Variants in TMEM132D observed in about 807,000 individuals in gnomAD.
TMEM132D encodes the protein transmembrane protein 132D.
A neutral mutation model predicts 62.3 loss-of-function variants in TMEM132D; 21 were observed. That is an observed-to-expected ratio of 0.34 (90% CI 0.24 to 0.49). The LOEUF (loss-of-function observed/expected upper bound fraction) is 0.49, where lower values mean the gene tolerates loss of function less well. TMEM132D is among the 20% of genes least tolerant of loss of function. The pLI is 0.99. For synonymous variants in TMEM132D, 621 were observed against 575.6 expected (o/e 1.08, Z -1.13); for missense variants, 1,346 against 1,402.8 (o/e 0.96, Z 0.65).
Position 129,791,074 on chromosome 12 carries a change from G to T in TMEM132D, c.80-90376C>A, listed in dbSNP as rs115000096. On this transcript the variant is annotated intron_variant, in intron 1 of 8. Coordinates refer to ENST00000422113, the MANE Select transcript of TMEM132D (RefSeq NM_133448.3). Reference sequence around the variant, plus strand: ...CATATCTTTATTTCATTCTCCACTGGAAGTGTTGTAAGTTTAATGTCAATT... The same window carrying T: ...CATATCTTTATTTCATTCTCCACTGTAAGTGTTGTAAGTTTAATGTCAATT... Among the ~76,000 whole-genome samples the T allele has an allele frequency of 1.9e-3, 296 of 152,208 alleles. 1 individual carries two copies. The highest frequency in any genetic ancestry group is 6.8e-3 in the African/African-American group (281 of 41,534).
At chr12:129,261,487 C>T (rs189201175) in intron 4 of TMEM132D, among the ~76,000 whole-genome samples, 7 of 152,304 alleles carry the variant, frequency 4.6e-5, no homozygotes, top group African/African-American at 1.2e-4. Flanking sequence ...GCCTCCCCAG[C>T]CATGTGGAAC....
At chr12:129,482,610 C>T (rs1031497639) in intron 3 of TMEM132D, among the ~76,000 whole-genome samples, 4 of 152,128 alleles carry the variant, frequency 2.6e-5, no homozygotes, top group African/African-American at 9.7e-5. Flanking sequence ...ATATGTACTA[C>T]TCTGGTAATT....
intron 2 of TMEM132D, among the ~76,000 whole-genome samples, chr12:129,604,939 G>A (rs1878575385): frequency 6.6e-6 from 1 of 152,186 alleles, no homozygotes; most frequent in South Asian, 2.1e-4. Flanking sequence ...AGAAGGGGCA[G>A]TGAACAAGAG....
chr12:129,432,244 T>TG (rs1367211010), intron 3 of TMEM132D, among the ~76,000 whole-genome samples: 1 of 150,970 alleles, frequency 6.6e-6, no homozygotes, highest in African/African-American at 2.4e-5. Flanking sequence ...GATGGATGGA[T>TG]GGTTGCTTGG....
At chr12:129,238,954 C>A (rs1480302497) in intron 4 of TMEM132D, among the ~76,000 whole-genome samples, 1 of 150,756 alleles carries the variant, frequency 6.6e-6, no homozygotes, top group South Asian at 2.1e-4. Context: ...GTGCACAAGA[C>A]TTTCAGTCTC....
intron 3 of TMEM132D, among the ~76,000 whole-genome samples, chr12:129,493,211 C>G (rs539432104): frequency 6.6e-6 from 1 of 152,178 alleles, no homozygotes; most frequent in South Asian, 2.1e-4. Flanking sequence ...AAAATTAATC[C>G]AACAGTTAAT....
chr12:129,321,595 C>T (rs1306911327), intron 4 of TMEM132D, among the ~76,000 whole-genome samples: 2 of 151,470 alleles, frequency 1.3e-5, no homozygotes, highest in Non-Finnish European at 2.9e-5. Flanking sequence ...CTCACTCTTT[C>T]GCCCAGGCTG....
At chr12:129,184,368 G>A (rs935126810) in intron 5 of TMEM132D, among the ~76,000 whole-genome samples, 8 of 152,184 alleles carry the variant, frequency 5.3e-5, no homozygotes, top group East Asian at 1.9e-4. Flanking sequence ...CTGGAGTTTC[G>A]CAGAGCTGTT....
At chr12:129,575,243 T>G (rs569068839) in intron 2 of TMEM132D, among the ~76,000 whole-genome samples, 1 of 151,912 alleles carries the variant, frequency 6.6e-6, no homozygotes, top group Non-Finnish European at 1.5e-5. Context: ...ACTGGCTGTT[T>G]TTGTTACTGG....
intron 3 of TMEM132D, among the ~76,000 whole-genome samples, chr12:129,518,274 T>C (rs933994942): frequency 2.6e-5 from 4 of 152,148 alleles, no homozygotes; most frequent in Non-Finnish European, 5.9e-5. Context: ...CTTATTGCAG[T>C]AGATTTGGCA....
intron 2 of TMEM132D, among the ~76,000 whole-genome samples, chr12:129,603,092 G>A (rs1248050078): frequency 6.6e-6 from 1 of 152,090 alleles, no homozygotes; most frequent in Admixed American, 6.5e-5. Context: ...GATTTGGGTG[G>A]GGACACAGAG....
At chr12:129,325,548 C>A (rs1868879784) in intron 4 of TMEM132D, among the ~76,000 whole-genome samples, 1 of 152,126 alleles carries the variant, frequency 6.6e-6, no homozygotes, top group East Asian at 1.9e-4. Flanking sequence ...GTGAGAAATA[C>A]AACAAGTCTC....
intron 3 of TMEM132D, among the ~76,000 whole-genome samples, chr12:129,440,470 G>A (rs994451367): frequency 6.6e-6 from 1 of 152,174 alleles, no homozygotes; most frequent in East Asian, 1.9e-4. Flanking sequence ...AAATGATCAT[G>A]TGGCGCGTGG....
intron 1 of TMEM132D, among the ~76,000 whole-genome samples, chr12:129,738,200 CT>C (rs1450225467): frequency 6.6e-5 from 10 of 152,138 alleles, no homozygotes; most frequent in Admixed American, 5.9e-4. Context: ...TCCTGCTACA[CT>C]TAAGGGGCCA....
intron 1 of TMEM132D, chr12:129,840,133 T>C (rs1873142071): frequency 6.6e-6 from 1 of 152,238 alleles, no homozygotes; most frequent in Non-Finnish European, 1.5e-5. Flanking sequence ...GTAAATTACA[T>C]ATAAATCAAA....
chr12:129,093,003 A>G (rs1300435388), intron 5 of TMEM132D, among the ~76,000 whole-genome samples: 1 of 152,166 alleles, frequency 6.6e-6, no homozygotes, highest in African/African-American at 2.4e-5. Flanking sequence ...TGAACAACAC[A>G]CCCTTTTCTG....
chr12:129,868,874 G>A (rs544819957), intron 1 of TMEM132D, among the ~76,000 whole-genome samples: 1 of 152,240 alleles, frequency 6.6e-6, no homozygotes, highest in African/African-American at 2.4e-5. Context: ...TCACCAGGCA[G>A]GGAACAGGGC....
intron 1 of TMEM132D, among the ~76,000 whole-genome samples, chr12:129,733,303 T>C (rs1010070956): frequency 3.3e-5 from 5 of 152,146 alleles, no homozygotes; most frequent in Non-Finnish European, 7.3e-5. Context: ...GTAGGGTCAG[T>C]GCTAACTCTT....
At chr12:129,086,201 CGTGTGTGTGTGT>C (rs1218792744) in intron 5 of TMEM132D, among the ~76,000 whole-genome samples, 1 of 141,038 alleles carries the variant, frequency 7.1e-6, no homozygotes, top group Non-Finnish European at 1.5e-5. Flanking sequence ...CACGCGCGCG[CGTGTGTGTGTGT>C]GTGTGTGTGT....
Sources: gnomAD v4.1 joint callset for allele counts (sites outside exome capture counted in the v4.1 genomes callset) on GRCh38, gnomAD v4.1.1 for gene constraint, MANE v1.5 for transcripts, NCBI Gene and HGNC (gene_info 2026-07-23, HGNC 2026-07-21) for gene names.